Variants in ARIH1 observed in about 807,000 individuals in gnomAD.
The protein encoded by ARIH1 is E3 ubiquitin-protein ligase ARIH1.
ARIH1 carries 8 observed loss-of-function variants against 85.0 expected under a neutral mutation model. The observed-to-expected ratio is 0.09, with a 90% confidence interval of 0.06 to 0.17. The LOEUF (loss-of-function observed/expected upper bound fraction) is 0.17. Among genes scored for constraint, ARIH1 ranks in the 10% least tolerant of loss-of-function variants. ARIH1 has a pLI of 1.00. For synonymous variants in ARIH1, 238 were observed against 253.6 expected, an observed-to-expected ratio of 0.94 and a Z score of 0.59; for missense variants, 311 against 718.1, an observed-to-expected ratio of 0.43 and a Z score of 6.48.
chr15:72,474,459 TC>T lies in ARIH1; in HGVS notation c.-177del, dbSNP rs1239075791. ...CTCCCTCCCTCCCTCCTCCGCGCCC[TC>T]CCCGCCGCCACCAGCCGTCAAACGC... On this transcript the variant is annotated 5_prime_UTR_variant, in exon 1 of 14. Transcript: ENST00000379887. 2.6e-6 allele frequency: 2 copies of T among 769,870 alleles called. No homozygotes were observed. Among genetic ancestry groups the T allele is most frequent in the Non-Finnish European group, 3.9e-6 (2 of 511,610 alleles). The allele number at this position is 769,870 out of a possible 1,614,324, so 47.7% of individuals were successfully genotyped here.
intron 11 of ARIH1, among the ~76,000 whole-genome samples, chr15:72,577,764 G>T (rs1233306928): frequency 6.6e-6 from 1 of 152,166 alleles, no homozygotes; most frequent in Non-Finnish European, 1.5e-5. Flanking sequence ...GGAGGGCTTG[G>T]TTTTGCTATA....
At chr15:72,502,562 T>C (rs917160858) in intron 1 of ARIH1, among the ~76,000 whole-genome samples, 2 of 152,212 alleles carry the variant, frequency 1.3e-5, no homozygotes, top group East Asian at 3.8e-4. Flanking sequence ...CCCAGCACTT[T>C]GGGAGGCTAA....
At chr15:72,549,773 T>G (rs1231594483) in intron 3 of ARIH1, among the ~76,000 whole-genome samples, 1 of 152,172 alleles carries the variant, frequency 6.6e-6, no homozygotes, top group African/African-American at 2.4e-5. Flanking sequence ...CCTTTAAGAG[T>G]GTATTCTTAA....
chr15:72,537,341 C>G (rs985567464), intron 2 of ARIH1, among the ~76,000 whole-genome samples: 71 of 151,954 alleles, frequency 4.7e-4, no homozygotes, highest in African/African-American at 1.7e-3. Flanking sequence ...CCTCAGGAAC[C>G]CTTTTTTAAA....
chr15:72,530,910 T>C (rs929147250), intron 2 of ARIH1, among the ~76,000 whole-genome samples: 1 of 152,124 alleles, frequency 6.6e-6, no homozygotes, highest in Non-Finnish European at 1.5e-5. Context: ...GAAGGTCTCA[T>C]TGAGTTTTAG....
intron 9 of ARIH1, among the ~76,000 whole-genome samples, chr15:72,568,521 G>C (rs1468890874): frequency 1.3e-5 from 2 of 152,120 alleles, no homozygotes; most frequent in East Asian, 3.8e-4. Flanking sequence ...AGATTACCAA[G>C]GAAGAATGGC....
chr15:72,545,888 T>C (rs534341618), intron 3 of ARIH1, among the ~76,000 whole-genome samples: 2 of 145,324 alleles, frequency 1.4e-5, no homozygotes, highest in South Asian at 4.7e-4. Context: ...TACTTGAGTG[T>C]TTACTAAGGA....
chr15:72,535,151 C>A (rs1239705806), intron 2 of ARIH1, among the ~76,000 whole-genome samples: 1 of 150,964 alleles, frequency 6.6e-6, no homozygotes, highest in South Asian at 2.1e-4. Flanking sequence ...CGGGGTTTCA[C>A]CGTGTTAGCC....
chr15:72,535,655 G>A (rs1045751074), intron 2 of ARIH1, among the ~76,000 whole-genome samples: 1 of 152,086 alleles, frequency 6.6e-6, no homozygotes, highest in Non-Finnish European at 1.5e-5. Flanking sequence ...TTGAAGAAAC[G>A]ATATTTCTCT....
intron 4 of ARIH1, 38 bp from the exon 5 acceptor site, chr15:72,555,814 T>C (rs1343024543): frequency 1.3e-6 from 2 of 1,574,166 alleles, no homozygotes; most frequent in African/African-American, 1.4e-5. Context: ...ATTAAATATT[T>C]GTTGAATGAA....
chr15:72,548,482 G>A (rs2064139094), intron 3 of ARIH1, among the ~76,000 whole-genome samples: 1 of 152,176 alleles, frequency 6.6e-6, no homozygotes, highest in African/African-American at 2.4e-5. Flanking sequence ...AGCAATAAAT[G>A]TAATGAAATT....
chr15:72,532,322 A>T (rs1407345021), intron 2 of ARIH1, among the ~76,000 whole-genome samples: 1 of 152,136 alleles, frequency 6.6e-6, no homozygotes, highest in Non-Finnish European at 1.5e-5. Context: ...CAACTATTCA[A>T]ACTTGATAGA....
At chr15:72,520,611 C>T (rs1023930126) in intron 2 of ARIH1, among the ~76,000 whole-genome samples, 2 of 152,086 alleles carry the variant, frequency 1.3e-5, no homozygotes, top group Non-Finnish European at 2.9e-5. Context: ...CTGTTGGCCT[C>T]ATCAGATTTT....
intron 1 of ARIH1, among the ~76,000 whole-genome samples, chr15:72,515,966 A>C (rs570086207): frequency 1.3e-5 from 2 of 152,188 alleles, no homozygotes; most frequent in Non-Finnish European, 2.9e-5. Context: ...CATGCCTCAC[A>C]TGGCAGTGAG....
intron 5 of ARIH1, among the ~76,000 whole-genome samples, chr15:72,557,165 A>G (rs1372997755): frequency 6.6e-6 from 1 of 151,944 alleles, no homozygotes; most frequent in Non-Finnish European, 1.5e-5. Flanking sequence ...GACTGGTGTG[A>G]GATGATGTGG....
At position 72,572,176 on chromosome 15, in the gene ARIH1, G is replaced by C. The variant is rs1355101535; in HGVS notation, c.1215+11G>C. 2 of 1,574,012 alleles carry C rather than the reference G, an allele frequency of 1.3e-6. No individual in the cohort carries two copies. The highest frequency in any genetic ancestry group is 4.5e-5 in the East Asian group (2 of 44,582). Reference sequence around the variant, plus strand: ...AGAGATGCACAGGAGGTAAGTATATGTATAACAGGACAATAGTTGACTAAG... The same window carrying C: ...AGAGATGCACAGGAGGTAAGTATATCTATAACAGGACAATAGTTGACTAAG... On this transcript the variant is annotated intron_variant, in intron 11 of 13. Transcript: ENST00000379887.
At chr15:72,567,079 A>G (rs369059648) in intron 8 of ARIH1, 27 bp from the exon 9 acceptor site, 5 of 1,568,162 alleles carry the variant, frequency 3.2e-6, no homozygotes, top group Non-Finnish European at 4.4e-6. Flanking sequence ...CTTTTGTTGT[A>G]TCCTAACCGT....
intron 2 of ARIH1, among the ~76,000 whole-genome samples, chr15:72,529,545 A>G (rs1461216888): frequency 6.6e-6 from 1 of 152,240 alleles, no homozygotes; most frequent in Non-Finnish European, 1.5e-5. Context: ...GACATTGAGC[A>G]GGAGCTTGGT....
At chr15:72,512,515 TTTC>T (rs1404807561) in intron 1 of ARIH1, among the ~76,000 whole-genome samples, 1 of 151,620 alleles carries the variant, frequency 6.6e-6, no homozygotes, top group African/African-American at 2.4e-5. Context: ...TCTCGGTTTT[TTTC>T]TTTTTTTTTT....
Sources: allele counts gnomAD v4.1 joint callset (sites outside exome capture counted in the v4.1 genomes callset), GRCh38; gene constraint gnomAD v4.1.1; transcripts MANE v1.5; gene names NCBI Gene and HGNC (gene_info 2026-07-23, HGNC 2026-07-21).